Variants in ARSB observed in about 807,000 individuals in gnomAD.
ARSB encodes arylsulfatase B, also known as N-acetylgalactosamine-4-sulfatase.
ARSB carries 41 observed loss-of-function variants against 50.9 expected under a neutral mutation model. That is an observed-to-expected ratio of 0.81 (90% CI 0.63 to 1.04). The LOEUF (loss-of-function observed/expected upper bound fraction) is 1.04, where lower values mean the gene tolerates loss of function less well. Among genes scored for constraint, ARSB ranks in the 50% least tolerant of loss-of-function variants. The probability of loss-of-function intolerance (pLI) is 0.00; values close to 1 mark genes in which losing one functional copy is unlikely to be tolerated. For missense variants in ARSB, 672 were observed against 693.3 expected, an observed-to-expected ratio of 0.97 and a Z score of 0.35; for synonymous variants, 269 against 284.8, an observed-to-expected ratio of 0.94 and a Z score of 0.56.
At chr5:78,861,107 A>G (rs1032782815) in intron 5 of ARSB, among the ~76,000 whole-genome samples, 1 of 152,212 alleles carries the variant, frequency 6.6e-6, no homozygotes, top group Non-Finnish European at 1.5e-5. Context: ...TCTGAAATTG[A>G]GGCAATAAAT....
At position 78,913,285 on chromosome 5, in the gene ARSB, C is replaced by T. The variant is rs192446660; in HGVS notation, c.899-27458G>A. Among the ~76,000 whole-genome samples, 999 of 152,194 alleles carry T rather than the reference C, an allele frequency of 6.6e-3. 5 individuals are homozygous for T. Among genetic ancestry groups the T allele is most frequent in the South Asian group, 0.029 (140 of 4,816 alleles). On this transcript the variant is annotated intron_variant, in intron 4 of 7. Coordinates refer to ENST00000264914, the MANE Select transcript of ARSB (RefSeq NM_000046.5). ...GACTACAGGCGCCCGCCACCTCGCC[C>T]GGCTAATTTTTTGTGTTTTTAGTAG...
intron 5 of ARSB, among the ~76,000 whole-genome samples, chr5:78,871,569 G>T (rs1170663903): frequency 6.8e-6 from 1 of 147,946 alleles, no homozygotes; most frequent in Non-Finnish European, 1.5e-5. Context: ...ATGGGGAAAG[G>T]ATTCCCTATT....
At chr5:78,800,818 C>T (rs1431298084) in intron 6 of ARSB, among the ~76,000 whole-genome samples, 1 of 152,118 alleles carries the variant, frequency 6.6e-6, no homozygotes, top group Non-Finnish European at 1.5e-5. Context: ...GATGGAAAGT[C>T]TATTTCTGGT....
intron 5 of ARSB, among the ~76,000 whole-genome samples, chr5:78,842,816 G>T (rs1425048278): frequency 3.5e-4 from 41 of 116,988 alleles, no homozygotes; most frequent in Non-Finnish European, 6.3e-4. Flanking sequence ...TTCCATTGTT[G>T]TCTCACTGCC....
intron 6 of ARSB, among the ~76,000 whole-genome samples, chr5:78,813,970 G>C (rs1190680285): frequency 6.6e-6 from 1 of 151,850 alleles, no homozygotes; most frequent in East Asian, 1.9e-4. Flanking sequence ...TAAAACACAA[G>C]TACCAAACAG....
At chr5:78,972,167 T>C (rs778732689) in intron 1 of ARSB, among the ~76,000 whole-genome samples, 4 of 152,126 alleles carry the variant, frequency 2.6e-5, no homozygotes, top group Non-Finnish European at 2.9e-5. Context: ...GGAGAGTGCA[T>C]GGCCTCACCT....
chr5:78,791,528 GT>G (rs1749234899), intron 6 of ARSB, among the ~76,000 whole-genome samples: 1 of 152,184 alleles, frequency 6.6e-6, no homozygotes, highest in Non-Finnish European at 1.5e-5. Flanking sequence ...GAGCCCGTGA[GT>G]CCCCCTCCCA....
intron 5 of ARSB, among the ~76,000 whole-genome samples, chr5:78,873,498 A>ATTTTTTTTTT (rs71001133): frequency 0.12 from 11,548 of 92,884 alleles, 1,876 homozygotes; most frequent in Middle Eastern, 0.2. Context: ...TAAAACTGTA[A>ATTTTTTTTTT]TTTTTTTTTT....
intron 6 of ARSB, among the ~76,000 whole-genome samples, chr5:78,790,734 T>A (rs1242368205): frequency 6.6e-6 from 1 of 152,174 alleles, no homozygotes; most frequent in East Asian, 1.9e-4. Flanking sequence ...TATAGTTTCA[T>A]TTTCTTTTAC....
chr5:78,867,897 GA>G, intron 5 of ARSB, among the ~76,000 whole-genome samples: 1 of 133,920 alleles, frequency 7.5e-6, no homozygotes, highest in Admixed American at 7.8e-5. Context: ...CAAAGGCAAA[GA>G]AGTTGAAAAC....
chr5:78,921,480 A>C lies in ARSB; in HGVS notation c.898+33815T>G, dbSNP rs951466091. ...ATCTCATCAATAACTTTTTATATTG[A>C]TTATAAACTGAAATAATATTTTGGA... On this transcript the variant is annotated intron_variant, in intron 4 of 7. Transcript: ENST00000264914. Among the ~76,000 whole-genome samples, 5 of 152,322 alleles carry C rather than the reference A, an allele frequency of 3.3e-5. No homozygotes were observed. In the East Asian group the frequency reaches 5.8e-4, roughly 18 times the overall value.
In ARSB at chr5:78,781,767, C is replaced by G. The variant is rs923021267; in HGVS notation, c.1336+85G>C. The stretch of plus-strand genomic sequence containing the variant: ...CCGTGGGAATCAAATCCCAGGAGGG[C>G]AGATAGACTGGAGATACTGCCCTGA... On this transcript the variant is annotated intron_variant, in intron 7 of 7. Coordinates refer to ENST00000264914, the MANE Select transcript of ARSB (RefSeq NM_000046.5). 1.9e-6 allele frequency: 3 copies of G among 1,569,480 alleles called. No individual in the cohort carries two copies. In the South Asian group the frequency reaches 3.3e-5, roughly 18 times the overall value.
At chr5:78,978,412 G>C (rs187816664) in intron 1 of ARSB, among the ~76,000 whole-genome samples, 17 of 151,178 alleles carry the variant, frequency 1.1e-4, no homozygotes, top group African/African-American at 3.6e-4. Flanking sequence ...ATATTGTTGA[G>C]GTAGTAATAC....
At chr5:78,974,062 C>A (rs963512616) in intron 1 of ARSB, among the ~76,000 whole-genome samples, 1 of 152,212 alleles carries the variant, frequency 6.6e-6, no homozygotes, top group Admixed American at 6.5e-5. Flanking sequence ...GGCCAGTACA[C>A]AGCAGGTTTT....
intron 2 of ARSB, among the ~76,000 whole-genome samples, chr5:78,966,604 C>T (rs1247843019): frequency 1.3e-5 from 2 of 152,202 alleles, no homozygotes; most frequent in East Asian, 3.8e-4. Context: ...GCAAGTCTCC[C>T]TTCAAATGAA....
intron 1 of ARSB, among the ~76,000 whole-genome samples, chr5:78,975,116 C>T (rs1177117840): frequency 2.0e-5 from 3 of 152,206 alleles, no homozygotes; most frequent in Non-Finnish European, 4.4e-5. Flanking sequence ...TCCAGCTCTG[C>T]ACTCTCCTGT....
chr5:78,805,806 A>C (rs550076458), intron 6 of ARSB, among the ~76,000 whole-genome samples: 1 of 152,304 alleles, frequency 6.6e-6, no homozygotes, highest in South Asian at 2.1e-4. Context: ...AGTCACACTT[A>C]GACACGATGC....
chr5:78,980,938 CTTTTTTTTTTTTT>C (rs762385496), intron 1 of ARSB, among the ~76,000 whole-genome samples: 3 of 24,484 alleles, frequency 1.2e-4, no homozygotes, highest in East Asian at 1.0e-3. Context: ...ATTTCTAGTT[CTTTTTTTTTTTTT>C]TTTTTTTTTT....
intron 6 of ARSB, among the ~76,000 whole-genome samples, chr5:78,800,754 C>T (rs1580981535): frequency 6.6e-6 from 1 of 152,282 alleles, no homozygotes; most frequent in Middle Eastern, 3.4e-3. Context: ...TGGTAAGACA[C>T]AAGTTAATTT....
Sources: allele counts gnomAD v4.1 joint callset (sites outside exome capture counted in the v4.1 genomes callset), GRCh38; gene constraint gnomAD v4.1.1; transcripts MANE v1.5; gene names NCBI Gene and HGNC (gene_info 2026-07-23, HGNC 2026-07-21).